The following RAMP3 variants were observed in gnomAD, a reference collection of about 807,000 sequenced individuals.
The protein encoded by RAMP3 is receptor activity modifying protein 3.
In RAMP3, 14 loss-of-function variants were observed where a neutral mutation model predicts 13.5. The observed-to-expected ratio is 1.04, with a 90% confidence interval of 0.69 to 1.63. RAMP3 has a LOEUF of 1.63. RAMP3 is among the 40% of genes most tolerant of loss of function. The probability of loss-of-function intolerance (pLI) is 0.00; values close to 1 mark genes in which losing one functional copy is unlikely to be tolerated. For missense variants in RAMP3, 200 were observed against 204.8 expected (o/e 0.98, Z 0.14); for synonymous variants, 106 against 88.3 (o/e 1.20, Z -1.12).
chr7:45,183,073 C>T (rs1786349630), intron 2 of RAMP3, 84 bp from the exon 3 acceptor site: 3 of 1,564,956 alleles, frequency 1.9e-6, no homozygotes, highest in Admixed American at 1.7e-5. Flanking sequence ...CCCAAGCCAC[C>T]CCACCCATCT....
At chr7:45,182,051 C>T (rs183544935) in intron 2 of RAMP3, among the ~76,000 whole-genome samples, 1 of 152,294 alleles carries the variant, frequency 6.6e-6, no homozygotes, top group Non-Finnish European at 1.5e-5. Context: ...CTGTTTCCTA[C>T]CCCTTTCTGA....
chr7:45,165,535 A>C (rs894894055), intron 1 of RAMP3, among the ~76,000 whole-genome samples: 1 of 152,238 alleles, frequency 6.6e-6, no homozygotes, highest in Non-Finnish European at 1.5e-5. Flanking sequence ...AGCCAGCATT[A>C]TTGAGATATA....
Position 45,168,406 on chromosome 7 carries a change from C to CAAA in RAMP3, c.59-8881_59-8879dup, listed in dbSNP as rs71030854. Among the ~76,000 whole-genome samples the CAAA allele has an allele frequency of 1.5e-3, 102 of 70,268 alleles. 3 individuals are homozygous for CAAA. The highest frequency in any genetic ancestry group is 2.8e-3 in the African/African-American group (43 of 15,532). 46.1% of individuals were successfully genotyped at this position (70,268 alleles called of 152,430 possible). On this transcript the variant is annotated intron_variant, in intron 1 of 2. Coordinates refer to ENST00000242249, the MANE Select transcript of RAMP3 (RefSeq NM_005856.3). ...GGGTGACAGAGTGAGACTCTGTTTCCAAAAAAAAAAAAAAAAAAAAAAAAT... is the reference window on the plus strand; with the variant it reads ...GGGTGACAGAGTGAGACTCTGTTTCCAAAAAAAAAAAAAAAAAAAAAAAAAAAT...
intron 2 of RAMP3, among the ~76,000 whole-genome samples, chr7:45,178,841 G>T (rs895859975): frequency 6.6e-6 from 1 of 152,230 alleles, no homozygotes; most frequent in African/African-American, 2.4e-5. Flanking sequence ...GAGGCAACCC[G>T]ATGGGCATTT....
At position 45,183,335 on chromosome 7, in the gene RAMP3, G is replaced by A. The variant is rs541058651; in HGVS notation, c.370G>A (p.Val124Ile). 5.9e-5 allele frequency: 95 copies of A among 1,614,038 alleles called. No individual in the cohort carries two copies. Among genetic ancestry groups the A allele is most frequent in the African/African-American group, 3.7e-4 (28 of 75,058 alleles). Residue 124 changes from valine to isoleucine, a missense_variant, in exon 3 of 3, where the codon GTT (valine) becomes ATT (isoleucine). By Grantham distance (29) the Val-to-Ile change is conservative. Coordinates refer to ENST00000242249, the MANE Select transcript of RAMP3 (RefSeq NM_005856.3). ...AGACGAGGTTCTCATCCCGCTGATC[G>A]TTATACCCGTCGTTCTGACTGTCGC... is the stretch of plus-strand genomic sequence containing the variant. Reference protein sequence around the residue: ...PPDEVLIPLIVIPVVLTVAMA... With the variant: ...PPDEVLIPLIIIPVVLTVAMA...
In RAMP3 at chr7:45,167,861, C is replaced by T. The variant is rs539404560; in HGVS notation, c.59-9448C>T. ...ATGGCCTCCCAAAGTGCTGGGATTA[C>T]AAGCGTGAGCCACCTCGCCTGGCCA... is the stretch of plus-strand genomic sequence containing the variant. On this transcript the variant is annotated intron_variant, in intron 1 of 2. Coordinates refer to ENST00000242249, the MANE Select transcript of RAMP3 (RefSeq NM_005856.3). Among the ~76,000 whole-genome samples, 877 of 152,156 alleles carry T rather than the reference C, an allele frequency of 5.8e-3. 9 individuals carry two copies. Among genetic ancestry groups the T allele is most frequent in the African/African-American group, 0.02 (835 of 41,536 alleles).
intron 1 of RAMP3, among the ~76,000 whole-genome samples, chr7:45,166,854 C>A (rs1292940919): frequency 6.6e-6 from 1 of 152,044 alleles, no homozygotes; most frequent in African/African-American, 2.4e-5. Flanking sequence ...CAGCTCACTG[C>A]AACCTCGGCC....
intron 1 of RAMP3, among the ~76,000 whole-genome samples, chr7:45,174,079 A>G (rs887843344): frequency 6.6e-6 from 1 of 152,182 alleles, no homozygotes; most frequent in Admixed American, 6.5e-5. Flanking sequence ...CAGTGAGAGC[A>G]GACAGGATGG....
intron 1 of RAMP3, among the ~76,000 whole-genome samples, chr7:45,169,717 T>C (rs1268649250): frequency 1.3e-5 from 2 of 152,212 alleles, no homozygotes; most frequent in South Asian, 2.1e-4. Flanking sequence ...TGTCTTCACC[T>C]CATCTTCTTT....
chr7:45,170,216 C>T (rs1786053922), intron 1 of RAMP3, among the ~76,000 whole-genome samples: 1 of 151,114 alleles, frequency 6.6e-6, no homozygotes, highest in African/African-American at 2.4e-5. Context: ...TTAATTTCTC[C>T]TCTAATCTTA....
rs776775849 is a variant in RAMP3, at chr7:45,183,262, G to A, written c.297G>A (p.Gln99=). The A allele has an allele frequency of 5.0e-6, 8 of 1,613,932 alleles. No individual in the cohort carries two copies. In the South Asian group the frequency reaches 8.8e-5, roughly 18 times the overall value. Residue 99 remains glutamine, a synonymous_variant, in exon 3 of 3, where the codon CAG becomes CAA. Transcript: ENST00000242249. ...GCTTCATCACCGGCATCCACAGGCA[G>A]TTCTTCTCCAACTGCACCGTGGACA... is the stretch of plus-strand genomic sequence containing the variant. ...AQGFITGIHR[Q]FFSNCTVDRV...
chr7:45,157,886 G>T lies in RAMP3; in HGVS notation c.58G>T (p.Gly20Cys). ...QLLPLLLLLC[G>C]GCPRAGGCNE... ...TCTCCCGTTGCTGCTGCTGCTCTGC[G>T]GTAAGGGGGCGACGGCCCGCACCGG... The change falls in exon 1 of 3, where the codon GGT becomes TGT. Residue 20 changes from glycine to cysteine, a missense_variant and splice_region_variant. Transcript: ENST00000242249. The T allele has an allele frequency of 7.2e-7, 1 of 1,380,786 alleles. No individual in the cohort carries two copies. Among genetic ancestry groups the T allele is most frequent in the Non-Finnish European group, 9.3e-7 (1 of 1,074,840 alleles). 85.5% of individuals were successfully genotyped at this position (1,380,786 alleles called of 1,614,324 possible). A position where few individuals can be genotyped will look rare whatever the true frequency, so the allele number is the denominator to read the frequency against.
chr7:45,181,231 CT>C (rs1174225640), intron 2 of RAMP3, among the ~76,000 whole-genome samples: 1 of 152,228 alleles, frequency 6.6e-6, no homozygotes, highest in Non-Finnish European at 1.5e-5. Context: ...TGGAGAGGCC[CT>C]GCCATGTTGG....
chr7:45,175,672 C>G (rs1481777734), intron 1 of RAMP3, among the ~76,000 whole-genome samples: 3 of 152,176 alleles, frequency 2.0e-5, no homozygotes, highest in Non-Finnish European at 4.4e-5. Flanking sequence ...TAACACCTGT[C>G]CTCTGTATGT....
At position 45,177,324 on chromosome 7, in the gene RAMP3, C is replaced by T. The variant is rs1786209628; in HGVS notation, c.74C>T (p.Ala25Val). 1.2e-6 allele frequency: 2 copies of T among 1,614,158 alleles called. No individual in the cohort carries two copies. Among genetic ancestry groups the T allele is most frequent in the Non-Finnish European group, 8.5e-7 (1 of 1,179,990 alleles). ...CCCTCTCCAGGTGGGTGTCCCAGAG[C>T]AGGCGGCTGCAACGAGACAGGCATG... The part of the protein sequence containing the change: ...LLLLCGGCPR[A>V]GGCNETGMLE... Residue 25 changes from alanine to valine, a missense_variant, in exon 2 of 3, where the codon GCA (alanine) becomes GTA (valine). By Grantham distance (64) the Ala-to-Val change is moderately conservative. Coordinates refer to ENST00000242249, the MANE Select transcript of RAMP3 (RefSeq NM_005856.3).
chr7:45,163,046 C>A, intron 1 of RAMP3: 1 of 517,612 alleles, frequency 1.9e-6, no homozygotes, highest in East Asian at 1.5e-4. Flanking sequence ...AGTGGAGACA[C>A]ATTGCTTTCC....
chr7:45,164,598 T>C (rs764685335), intron 1 of RAMP3, among the ~76,000 whole-genome samples: 14 of 152,248 alleles, frequency 9.2e-5, no homozygotes, highest in Non-Finnish European at 1.6e-4. Flanking sequence ...ATTTTCTTTT[T>C]GTAGTTCTGT....
chr7:45,164,200 T>C (rs1785916325), intron 1 of RAMP3, among the ~76,000 whole-genome samples: 2 of 152,230 alleles, frequency 1.3e-5, no homozygotes, highest in Admixed American at 1.3e-4. Flanking sequence ...TCACGTTTTC[T>C]AATAGCTTCC....
At chr7:45,163,407 G>C in intron 1 of RAMP3, 1 of 985,474 alleles carries the variant, frequency 1.0e-6, no homozygotes, top group Non-Finnish European at 1.2e-6. Flanking sequence ...TGCTACAAGA[G>C]AACCTGGGGT....
Sources: gnomAD v4.1 joint callset for allele counts (sites outside exome capture counted in the v4.1 genomes callset) on GRCh38, gnomAD v4.1.1 for gene constraint, MANE v1.5 for transcripts, NCBI Gene and HGNC (gene_info 2026-07-23, HGNC 2026-07-21) for gene names.